Variants in CDC42BPA observed in about 807,000 individuals in gnomAD.
The protein encoded by CDC42BPA is CDC42 binding protein kinase alpha, also known as serine/threonine-protein kinase MRCK alpha.
A neutral mutation model predicts 223.5 loss-of-function variants in CDC42BPA; 80 were observed. That is an observed-to-expected ratio of 0.36 (90% CI 0.30 to 0.43). The LOEUF (loss-of-function observed/expected upper bound fraction) is 0.43. CDC42BPA is among the 20% of genes least tolerant of loss of function. The pLI is 1.00. For missense variants in CDC42BPA, 1,743 were observed against 2,099.9 expected (o/e 0.83, Z 3.32); for synonymous variants, 694 against 718.6 (o/e 0.97, Z 0.55).
chr1:227,065,370 T>C (rs1234034483), intron 21 of CDC42BPA, among the ~76,000 whole-genome samples: 1 of 152,122 alleles, frequency 6.6e-6, no homozygotes, highest in Non-Finnish European at 1.5e-5. Flanking sequence ...ATGCCTACAT[T>C]CCCCCAAGTT....
intron 1 of CDC42BPA, among the ~76,000 whole-genome samples, chr1:227,315,609 C>A (rs1287948458): frequency 1.3e-5 from 2 of 151,650 alleles, no homozygotes; most frequent in Non-Finnish European, 2.9e-5. Context: ...CAGAATTTCT[C>A]AATTTGTGAA....
chr1:227,301,245 T>C (rs1572954117), intron 1 of CDC42BPA, among the ~76,000 whole-genome samples: 1 of 152,322 alleles, frequency 6.6e-6, no homozygotes, highest in East Asian at 1.9e-4. Context: ...CTAACACAAA[T>C]TTCCCATTCC....
At position 227,317,249 on chromosome 1, in the gene CDC42BPA, A is replaced by G; in HGVS notation, c.-67T>C. ...ATGACTTTTACTATTATCTGAACCT[A>G]AATTTTAAAAGGTATGGTTTTAAAA... On this transcript the variant is annotated 5_prime_UTR_variant, in exon 1 of 37. An upstream open reading frame in the 5' UTR loses its in-frame stop. Transcript: ENST00000366766. The G allele has an allele frequency of 6.7e-7, 1 of 1,501,924 alleles. No homozygotes were observed. Among genetic ancestry groups the G allele is most frequent in the Non-Finnish European group, 9.0e-7 (1 of 1,109,798 alleles). 93.0% of individuals were successfully genotyped at this position (1,501,924 alleles called of 1,614,324 possible). A position where few individuals can be genotyped will look rare whatever the true frequency, so the allele number is the denominator to read the frequency against.
At chr1:227,080,095 A>G (rs1277775582) in intron 17 of CDC42BPA, among the ~76,000 whole-genome samples, 1 of 152,128 alleles carries the variant, frequency 6.6e-6, no homozygotes, top group Admixed American at 6.5e-5. Context: ...CAGCACTCAT[A>G]AAGTTTCACG....
At chr1:227,036,123 AACT>A (rs1475515679) in intron 24 of CDC42BPA, among the ~76,000 whole-genome samples, 1 of 152,200 alleles carries the variant, frequency 6.6e-6, no homozygotes, top group African/African-American at 2.4e-5. Context: ...CATATACTTA[AACT>A]ACTACTAAAA....
chr1:227,040,302 T>C (rs1181735446), intron 23 of CDC42BPA, 66 bp from the exon 24 acceptor site: 2 of 896,112 alleles, frequency 2.2e-6, no homozygotes, highest in African/African-American at 3.3e-5. Flanking sequence ...TGAGTCCTTA[T>C]GCCCCATACC....
intron 10 of CDC42BPA, among the ~76,000 whole-genome samples, chr1:227,133,064 C>A (rs1204270093): frequency 6.7e-6 from 1 of 149,324 alleles, no homozygotes; most frequent in African/African-American, 2.5e-5. Context: ...ACCAGGCCAG[C>A]CGCCCCGTCC....
At chr1:227,005,193 T>A in intron 34 of CDC42BPA, 82 bp from the exon 35 acceptor site, 1 of 887,314 alleles carries the variant, frequency 1.1e-6, no homozygotes, top group Non-Finnish European at 1.9e-6. Context: ...TCACTATAAT[T>A]ACCAAGAAAT....
At position 227,145,949 on chromosome 1, in the gene CDC42BPA, C is replaced by T. The variant is rs886520472; in HGVS notation, c.895-212G>A. ...TAATTTCATATATGACTCAATCATG[C>T]ATGCGCTATAGAAAGAAGAATACAT... is the stretch of plus-strand genomic sequence containing the variant. On this transcript the variant is annotated intron_variant, in intron 7 of 36. Transcript: ENST00000366766. Among the ~76,000 whole-genome samples the T allele has an allele frequency of 2.6e-5, 4 of 152,172 alleles. No homozygotes were observed. The South Asian group carries it at 8.3e-4, about 32-fold the overall frequency.
chr1:227,087,032 T>C (rs1682091409), intron 16 of CDC42BPA, among the ~76,000 whole-genome samples: 1 of 152,184 alleles, frequency 6.6e-6, no homozygotes, highest in African/African-American at 2.4e-5. Context: ...TTTGGAAATA[T>C]TTCCTCCCCA....
chr1:227,313,997 T>TAAG (rs1553447270), intron 1 of CDC42BPA, among the ~76,000 whole-genome samples: 2 of 151,610 alleles, frequency 1.3e-5, no homozygotes, highest in African/African-American at 4.8e-5. Context: ...TTATTTTGTA[T>TAAG]TAATATTATC....
At chr1:227,020,698 T>C (rs1055038925) in intron 32 of CDC42BPA, among the ~76,000 whole-genome samples, 13 of 152,328 alleles carry the variant, frequency 8.5e-5, no homozygotes, top group African/African-American at 2.6e-4. Flanking sequence ...AGCAATAAGG[T>C]TGTTTCACTT....
intron 21 of CDC42BPA, among the ~76,000 whole-genome samples, chr1:227,066,926 G>T (rs1677212243): frequency 2.0e-5 from 3 of 152,144 alleles, no homozygotes; most frequent in African/African-American, 4.8e-5. Flanking sequence ...GTACAGGCAG[G>T]ATTTGTGCCT....
intron 15 of CDC42BPA, among the ~76,000 whole-genome samples, chr1:227,095,872 A>G (rs752444668): frequency 5.3e-5 from 8 of 152,180 alleles, no homozygotes; most frequent in African/African-American, 1.9e-4. Flanking sequence ...GATTACAGGC[A>G]TGGGCCACCG....
intron 3 of CDC42BPA, among the ~76,000 whole-genome samples, chr1:227,204,476 C>G (rs894711878): frequency 1.3e-5 from 2 of 152,046 alleles, no homozygotes; most frequent in African/African-American, 4.8e-5. Context: ...GTCTCCCCTC[C>G]CCAACTAAAA....
intron 5 of CDC42BPA, among the ~76,000 whole-genome samples, chr1:227,192,315 T>TTA (rs60099414): frequency 1.3e-5 from 2 of 151,856 alleles, no homozygotes; most frequent in South Asian, 4.1e-4. Context: ...AGCATAGTTC[T>TTA]GAGTGTGGTC....
intron 31 of CDC42BPA, among the ~76,000 whole-genome samples, chr1:227,025,014 G>A (rs1426330913): frequency 5.3e-5 from 8 of 152,112 alleles, no homozygotes; most frequent in South Asian, 4.1e-4. Flanking sequence ...AGGCCGAGGC[G>A]GGCAGATCAC....
At chr1:227,106,995 C>T (rs576724372) in intron 14 of CDC42BPA, among the ~76,000 whole-genome samples, 1 of 152,288 alleles carries the variant, frequency 6.6e-6, no homozygotes, top group African/African-American at 2.4e-5. Flanking sequence ...TATGACTCCT[C>T]CAACTTTGTC....
intron 1 of CDC42BPA, among the ~76,000 whole-genome samples, chr1:227,305,694 G>A (rs1692411904): frequency 6.6e-6 from 1 of 152,154 alleles, no homozygotes; most frequent in Admixed American, 6.5e-5. Context: ...TGCCGGGAGT[G>A]GTGGCTCACG....
Sources: allele counts gnomAD v4.1 joint callset (sites outside exome capture counted in the v4.1 genomes callset), GRCh38; gene constraint gnomAD v4.1.1; transcripts MANE v1.5; gene names NCBI Gene and HGNC (gene_info 2026-07-23, HGNC 2026-07-21).